ERG28: variants seen among roughly 807,000 people sequenced by gnomAD.
ERG28 encodes ergosterol biosynthetic protein 28 homolog.
A neutral mutation model predicts 15.7 loss-of-function variants in ERG28; 9 were observed. That is an observed-to-expected ratio of 0.57 (90% CI 0.35 to 1.00). ERG28 has a LOEUF of 1.00. ERG28 is among the 50% of genes least tolerant of loss of function. The probability of loss-of-function intolerance (pLI) is 0.02; values close to 1 mark genes in which losing one functional copy is unlikely to be tolerated. For synonymous variants in ERG28, 61 were observed against 68.4 expected (o/e 0.89, Z 0.53); for missense variants, 117 against 173.3 (o/e 0.68, Z 1.82).
chr14:75,651,703 C>G (rs757045680), intron 4 of ERG28, 68 bp downstream of exon 4: 267 of 1,591,280 alleles, frequency 1.7e-4, no homozygotes, highest in Non-Finnish European at 2.2e-4. Flanking sequence ...TCTCCTGTGT[C>G]CACCCTCTGT....
In ERG28 at chr14:75,657,496, G is replaced by A. The variant is rs1156349762; in HGVS notation, c.7C>T (p.Arg3Cys). 9 of 1,613,794 alleles carry A rather than the reference G, an allele frequency of 5.6e-6. No homozygotes were observed. Among genetic ancestry groups the A allele is most frequent in the Non-Finnish European group, 7.6e-6 (9 of 1,179,802 alleles). Residue 3 changes from arginine (R) to cysteine (C), a missense_variant, in exon 2 of 5, where the codon CGT (arginine) becomes TGT (cysteine). Coordinates refer to ENST00000256319, the MANE Select transcript of ERG28 (RefSeq NM_007176.4). MS[R>C]FLNVLRSWLV... ...CAACTTCTTAACACATTCAGGAAAC[G>A]GCTCATGACTCCCCTCAAACGTGGG...
At position 75,651,376 on chromosome 14, in the gene ERG28, G is replaced by A. The variant is rs938055739; in HGVS notation, c.*179C>T. On this transcript the variant is annotated 3_prime_UTR_variant, in exon 5 of 5. Transcript: ENST00000256319. ...TTTAAAATTATTCTTTAAATTGTACGTACATGTTATATACTTTTCAGTATG... is the reference window on the plus strand; with the variant it reads ...TTTAAAATTATTCTTTAAATTGTACATACATGTTATATACTTTTCAGTATG... 13 of 531,958 alleles carry A rather than the reference G, an allele frequency of 2.4e-5. No individual in the cohort carries two copies. The highest frequency in any genetic ancestry group is 2.3e-4 in the South Asian group (7 of 30,110). 33.0% of individuals were successfully genotyped at this position (531,958 alleles called of 1,614,324 possible). A position where few individuals can be genotyped will look rare whatever the true frequency, so the allele number is the denominator to read the frequency against.
At chr14:75,652,685 A>G (rs1349210984) in intron 3 of ERG28, among the ~76,000 whole-genome samples, 1 of 152,146 alleles carries the variant, frequency 6.6e-6, no homozygotes, top group Non-Finnish European at 1.5e-5. Context: ...AGACTCTTCT[A>G]ATAAAAACTT....
At position 75,654,923 on chromosome 14, in the gene ERG28, T is replaced by G. The variant is rs758600734; in HGVS notation, c.187A>C (p.Ile63Leu). 5.6e-6 allele frequency: 9 copies of G among 1,614,172 alleles called. No individual in the cohort carries two copies. In the South Asian group the frequency reaches 7.7e-5, roughly 14 times the overall value. ...ATGTCAATGGCACAGAGGCAGCGAA[T>G]CACTGATGAGAGCAGCGTCCAGATC... ...FGIWTLLSSV[I>L]RCLCAIDIHN... Residue 63 changes from isoleucine to leucine, a missense_variant, in exon 3 of 5, where the codon ATT becomes CTT. By Grantham distance (5) the Ile-to-Leu change is conservative. Coordinates refer to ENST00000256319, the MANE Select transcript of ERG28 (RefSeq NM_007176.4).
intron 2 of ERG28, 41 bp from the exon 3 acceptor site, chr14:75,655,017 C>T (rs1247093602): frequency 1.3e-6 from 2 of 1,561,868 alleles, no homozygotes; most frequent in East Asian, 2.2e-5. Flanking sequence ...GAAGGGGAGA[C>T]TTGAGGTTCC....
At chr14:75,657,292 C>T (rs1890611440) in intron 2 of ERG28, 78 bp downstream of exon 2, 1 of 1,521,924 alleles carries the variant, frequency 6.6e-7, no homozygotes. Flanking sequence ...CTCTGATGTA[C>T]AGCCTGGTTT....
intron 1 of ERG28, 111 bp from the exon 2 acceptor site, chr14:75,657,644 A>G: frequency 2.2e-6 from 2 of 902,490 alleles, no homozygotes; most frequent in Non-Finnish European, 3.4e-6. Flanking sequence ...AGTCACACTA[A>G]TAGTGGTGAA....
chr14:75,660,064 T>C (rs112227679), intron 1 of ERG28, among the ~76,000 whole-genome samples: 108 of 152,232 alleles, frequency 7.1e-4, no homozygotes, highest in African/African-American at 2.5e-3. Context: ...ATTTTCTCAC[T>C]CTCTCTCAAG....
In ERG28 at chr14:75,651,091, C is replaced by T. The variant is rs1890518630; in HGVS notation, c.*464G>A. 1 of 158,912 alleles carries T rather than the reference C, an allele frequency of 6.3e-6. No homozygotes were observed. Among genetic ancestry groups the T allele is most frequent in the Admixed American group, 6.0e-5 (1 of 16,718 alleles). The allele number at this position is 158,912 out of a possible 1,614,324, so 9.8% of individuals were successfully genotyped here. A position where few individuals can be genotyped will look rare whatever the true frequency, so the allele number is the denominator to read the frequency against. ...GGAAGGTTCAGAGTCTTGGGTCCAG[C>T]AGCAGAGAGGAGCCCAACCTGCGTG... On this transcript the variant is annotated 3_prime_UTR_variant, in exon 5 of 5. Transcript: ENST00000256319.
intron 3 of ERG28, 90 bp from the exon 4 acceptor site, chr14:75,651,979 C>T: frequency 8.8e-7 from 1 of 1,131,820 alleles, no homozygotes; most frequent in South Asian, 1.4e-5. Context: ...CAAATAAGAA[C>T]CCAGGATGTC....
intron 2 of ERG28, among the ~76,000 whole-genome samples, chr14:75,655,308 A>C (rs1358746435): frequency 2.0e-5 from 3 of 152,220 alleles, no homozygotes; most frequent in African/African-American, 7.2e-5. Context: ...GGATCAGGAC[A>C]GGTTTTGGGG....
At chr14:75,657,603 G>A in intron 1 of ERG28, 70 bp from the exon 2 acceptor site, 4 of 1,441,052 alleles carry the variant, frequency 2.8e-6, no homozygotes, top group African/African-American at 1.4e-5. Context: ...AGGAAGGGAG[G>A]AAGAATGAAG....
intron 3 of ERG28, among the ~76,000 whole-genome samples, chr14:75,652,509 G>A (rs1186653941): frequency 6.6e-6 from 1 of 152,164 alleles, no homozygotes; most frequent in Non-Finnish European, 1.5e-5. Flanking sequence ...GAAGAGACAG[G>A]CTACTAGGTG....
At chr14:75,654,268 G>A (rs1890568099) in intron 3 of ERG28, among the ~76,000 whole-genome samples, 1 of 152,222 alleles carries the variant, frequency 6.6e-6, no homozygotes, top group South Asian at 2.1e-4. Flanking sequence ...TGAACAAACT[G>A]TTTCCACCTA....
chr14:75,654,790 A>G, intron 3 of ERG28, 96 bp downstream of exon 3: 2 of 1,289,826 alleles, frequency 1.6e-6, no homozygotes, highest in Non-Finnish European at 2.2e-6. Flanking sequence ...CTAATGCATT[A>G]AAATGATTAA....
intron 2 of ERG28, 101 bp downstream of exon 2, chr14:75,657,269 G>T: frequency 7.1e-7 from 1 of 1,403,558 alleles, no homozygotes; most frequent in Non-Finnish European, 9.7e-7. Flanking sequence ...GTTTGTTGAC[G>T]TTTCCTAGGT....
At chr14:75,653,605 CA>C (rs1206427861) in intron 3 of ERG28, among the ~76,000 whole-genome samples, 1 of 140,736 alleles carries the variant, frequency 7.1e-6, no homozygotes, top group African/African-American at 2.6e-5. Flanking sequence ...AAGACTGTCT[CA>C]GAAAAAAAAA....
At chr14:75,655,085 C>T (rs1047215093) in intron 2 of ERG28, 109 bp from the exon 3 acceptor site, 27 of 1,041,982 alleles carry the variant, frequency 2.6e-5, no homozygotes, top group Non-Finnish European at 2.4e-5. Context: ...TGGACCTGAC[C>T]TCTCTGTGGC....
rs1890577044 is a variant in ERG28, at chr14:75,654,877, C to T, written c.224+9G>A. On this transcript the variant is annotated intron_variant, in intron 3 of 4. Coordinates refer to ENST00000256319, the MANE Select transcript of ERG28 (RefSeq NM_007176.4). ...AAAGGATGCTAAAGCTCTTCCTTCC[C>T]TTACATACGTCTTGTTGTGAATGTC... The T allele has an allele frequency of 6.2e-7, 1 of 1,607,444 alleles. No homozygotes were observed.
Sources: allele counts gnomAD v4.1 joint callset (sites outside exome capture counted in the v4.1 genomes callset), GRCh38; gene constraint gnomAD v4.1.1; transcripts MANE v1.5; gene names NCBI Gene and HGNC (gene_info 2026-07-23, HGNC 2026-07-21).